SDK1: variants seen among roughly 807,000 people sequenced by gnomAD.
SDK1 encodes the protein sidekick cell adhesion molecule 1.
SDK1 carries 157 observed loss-of-function variants against 245.5 expected under a neutral mutation model. That is an observed-to-expected ratio of 0.64 (90% CI 0.56 to 0.73). The LOEUF (loss-of-function observed/expected upper bound fraction) is 0.73. Among genes scored for constraint, SDK1 ranks in the 30% least tolerant of loss-of-function variants. SDK1 has a pLI of 0.00. For synonymous variants in SDK1, 1,647 were observed against 1,278.5 expected, an observed-to-expected ratio of 1.29 and a Z score of -6.15; for missense variants, 3,583 against 3,002.3, an observed-to-expected ratio of 1.19 and a Z score of -4.52.
chr7:3,371,684 G>T (rs985731765), intron 1 of SDK1, among the ~76,000 whole-genome samples: 1 of 152,166 alleles, frequency 6.6e-6, no homozygotes, highest in Non-Finnish European at 1.5e-5. Flanking sequence ...TCAGGATGCA[G>T]AGGAGAAAAA....
intron 4 of SDK1, among the ~76,000 whole-genome samples, chr7:3,659,437 G>T (rs191169337): frequency 1.1e-4 from 16 of 152,314 alleles, no homozygotes; most frequent in Middle Eastern, 3.4e-3. Flanking sequence ...AGAAAGGGAA[G>T]GAGCCAGCGA....
chr7:4,143,836 T>A (rs1371681807), intron 28 of SDK1, among the ~76,000 whole-genome samples: 1 of 152,228 alleles, frequency 6.6e-6, no homozygotes, highest in Non-Finnish European at 1.5e-5. Context: ...CACAGCCTCG[T>A]CCTCATCCTT....
intron 1 of SDK1, among the ~76,000 whole-genome samples, chr7:3,536,026 C>T (rs1207603518): frequency 2.0e-5 from 3 of 151,072 alleles, no homozygotes; most frequent in African/African-American, 7.3e-5. Flanking sequence ...AAATCTAATT[C>T]CCCCCCTGCA....
intron 1 of SDK1, among the ~76,000 whole-genome samples, chr7:3,371,842 A>C (rs954428464): frequency 1.3e-5 from 2 of 152,198 alleles, no homozygotes; most frequent in African/African-American, 4.8e-5. Flanking sequence ...TAAATAGCAT[A>C]AGAAACCCTG....
Position 4,161,830 on chromosome 7 carries a change from A to G in SDK1, c.4774A>G (p.Thr1592Ala). 6.2e-7 allele frequency: 1 copy of G among 1,614,126 alleles called. No individual in the cohort carries two copies. Among genetic ancestry groups the G allele is most frequent in the South Asian group, 1.1e-5 (1 of 91,076 alleles). ...PGSVSATPHTTSSVLIQWQPP... is the reference protein window; with the variant it reads ...PGSVSATPHTASSVLIQWQPP... ...ATCTGTCTCAGCGACGCCACACACC[A>G]CGTCCTCTGTCCTGATACAGTGGCA... Residue 1592 changes from threonine (T) to alanine (A), a missense_variant, in exon 32 of 45, where the codon ACG becomes GCG. Transcript: ENST00000404826.
intron 1 of SDK1, among the ~76,000 whole-genome samples, chr7:3,337,120 A>G (rs1780222033): frequency 6.6e-6 from 1 of 152,224 alleles, no homozygotes. Flanking sequence ...TTTATCTGAC[A>G]AGGATTTGAA....
At chr7:3,456,780 C>T (rs973387320) in intron 1 of SDK1, among the ~76,000 whole-genome samples, 5 of 152,086 alleles carry the variant, frequency 3.3e-5, no homozygotes, top group Non-Finnish European at 7.4e-5. Context: ...TTTGAAGTGT[C>T]TCTTGGACAT....
At position 3,408,046 on chromosome 7, in the gene SDK1, AT is replaced by A. The variant is rs779258559; in HGVS notation, c.298+106173del. On this transcript the variant is annotated intron_variant, in intron 1 of 44. Transcript: ENST00000404826. Reference sequence around the variant, plus strand: ...GGAGAACGCCATAGTTCATTCTTTCATTTTTTTTTTTGAAGTAGAGTCTTGC... The same window carrying A: ...GGAGAACGCCATAGTTCATTCTTTCATTTTTTTTTTGAAGTAGAGTCTTGC... Among the ~76,000 whole-genome samples, 58 of 147,714 alleles carry A rather than the reference AT, an allele frequency of 3.9e-4. 1 individual carries two copies. The highest frequency in any genetic ancestry group is 8.8e-4 in the Admixed American group (13 of 14,800).
intron 1 of SDK1, among the ~76,000 whole-genome samples, chr7:3,391,097 A>G (rs11979004): frequency 0.046 from 7,046 of 152,268 alleles, 506 homozygotes; most frequent in African/African-American, 0.15. Context: ...TTAGAATAGA[A>G]TATAAAAACC....
At chr7:4,244,492 A>G (rs959896788) in intron 43 of SDK1, among the ~76,000 whole-genome samples, 2 of 152,228 alleles carry the variant, frequency 1.3e-5, no homozygotes. Flanking sequence ...TGAGTTCTCC[A>G]TCTGAAAAAC....
chr7:3,736,749 G>A (rs1451030358), intron 4 of SDK1, among the ~76,000 whole-genome samples: 3 of 152,130 alleles, frequency 2.0e-5, no homozygotes, highest in East Asian at 1.9e-4. Context: ...AATTAAGTAG[G>A]CACATTCATC....
intron 1 of SDK1, among the ~76,000 whole-genome samples, chr7:3,558,844 G>T (rs892342802): frequency 2.0e-5 from 3 of 150,776 alleles, no homozygotes; most frequent in African/African-American, 7.3e-5. Context: ...TATTTCTTAA[G>T]AAGCATTTAA....
intron 19 of SDK1, among the ~76,000 whole-genome samples, chr7:4,060,106 C>A (rs1779440287): frequency 1.3e-5 from 2 of 152,262 alleles, no homozygotes; most frequent in Admixed American, 1.3e-4. Context: ...TGGTCTCGAT[C>A]TCCTGACCTC....
At position 4,241,913 on chromosome 7, in the gene SDK1, G is replaced by A; in HGVS notation, c.6251G>A (p.Arg2084Lys). The A allele has an allele frequency of 6.2e-7, 1 of 1,612,902 alleles. No individual in the cohort carries two copies. The highest frequency in any genetic ancestry group is 8.5e-7 in the Non-Finnish European group (1 of 1,180,014). ...KSTFSKKNGT[R>K]SPPRPSPGGL... ...ACCTTCTCCAAGAAGAACGGGACCAGGTAGGCAGGCAGTGCTGTGCTGCGC... is the reference window on the plus strand; with the variant it reads ...ACCTTCTCCAAGAAGAACGGGACCAAGTAGGCAGGCAGTGCTGTGCTGCGC... The change falls in exon 43 of 45, where the codon AGG (arginine) becomes AAG (lysine). Residue 2084 changes from arginine to lysine, a missense_variant and splice_region_variant. By Grantham distance (26) the Arg-to-Lys change is conservative. Coordinates refer to ENST00000404826, the MANE Select transcript of SDK1 (RefSeq NM_152744.4).
At chr7:3,911,550 C>A (rs1284522642) in intron 5 of SDK1, among the ~76,000 whole-genome samples, 1 of 152,182 alleles carries the variant, frequency 6.6e-6, no homozygotes, top group Non-Finnish European at 1.5e-5. Context: ...GGGCTCTGCC[C>A]TCCTGATCCA....
intron 1 of SDK1, among the ~76,000 whole-genome samples, chr7:3,525,962 C>G (rs111809852): frequency 1.3e-5 from 2 of 152,038 alleles, no homozygotes; most frequent in African/African-American, 2.4e-5. Flanking sequence ...GGCCAGGCGC[C>G]GTGGCTCACA....
rs189055002 is a variant in SDK1 at position 3,914,980 on chromosome 7, C to G, written c.848-35943C>G. Among the ~76,000 whole-genome samples, 21 of 152,316 alleles carry G rather than the reference C, an allele frequency of 1.4e-4. No homozygotes were observed. The East Asian group carries it at 3.9e-3, about 28-fold the overall frequency. On this transcript the variant is annotated intron_variant, in intron 5 of 44. Coordinates refer to ENST00000404826, the MANE Select transcript of SDK1 (RefSeq NM_152744.4). ...TGATAGTATGGATGCAGCTGTGAAA[C>G]TTGAATCAGAATCATGCGCCATCCT...
At chr7:3,315,101 G>T (rs1779633720) in intron 1 of SDK1, among the ~76,000 whole-genome samples, 1 of 152,094 alleles carries the variant, frequency 6.6e-6, no homozygotes, top group Non-Finnish European at 1.5e-5. Context: ...GCTTCTGGTG[G>T]CTTTCACAGT....
intron 3 of SDK1, among the ~76,000 whole-genome samples, chr7:3,640,191 T>A (rs1225328723): frequency 2.6e-5 from 4 of 152,358 alleles, no homozygotes; most frequent in Admixed American, 2.0e-4. Context: ...AAAATTTCTC[T>A]TTGTTTAAAA....
Sources: gnomAD v4.1 joint callset for allele counts (sites outside exome capture counted in the v4.1 genomes callset) on GRCh38, gnomAD v4.1.1 for gene constraint, MANE v1.5 for transcripts, NCBI Gene and HGNC (gene_info 2026-07-23, HGNC 2026-07-21) for gene names.